Variants in PARD3 observed in about 807,000 individuals in gnomAD.
The protein encoded by PARD3 is partitioning defective 3 homolog.
Under a neutral mutation model 155.4 loss-of-function variants are expected in PARD3, and 75 were observed. The ratio of observed to expected loss-of-function variants is 0.48; its 90% CI spans 0.40 to 0.58. The LOEUF (loss-of-function observed/expected upper bound fraction) is 0.58, where lower values mean the gene tolerates loss of function less well. Ranked by LOEUF, PARD3 falls within the 20% of genes least tolerant of loss-of-function variation. PARD3 has a pLI of 0.00. For missense variants in PARD3, 1,642 were observed against 1,721.7 expected (o/e 0.95, Z 0.82); for synonymous variants, 576 against 610.5 (o/e 0.94, Z 0.83).
chr10:34,316,581 A>G (rs1958017979), intron 20 of PARD3, among the ~76,000 whole-genome samples: 1 of 152,176 alleles, frequency 6.6e-6, no homozygotes, highest in South Asian at 2.1e-4. Context: ...TGCTACCACT[A>G]ACTTGAGCTC....
At chr10:34,369,026 T>TC (rs1265839072) in intron 12 of PARD3, among the ~76,000 whole-genome samples, 7 of 147,388 alleles carry the variant, frequency 4.7e-5, no homozygotes, top group African/African-American at 1.1e-4. Context: ...GCTTTTTTTT[T>TC]TCCCCCCTCA....
intron 24 of PARD3, among the ~76,000 whole-genome samples, chr10:34,112,213 A>G (rs1312692272): frequency 6.6e-6 from 1 of 152,168 alleles, no homozygotes; most frequent in Non-Finnish European, 1.5e-5. Context: ...GAGAGTCCGG[A>G]AGTCTGTAAA....
At chr10:34,258,149 T>C (rs1339958230) in intron 22 of PARD3, among the ~76,000 whole-genome samples, 1 of 152,188 alleles carries the variant, frequency 6.6e-6, no homozygotes, top group Non-Finnish European at 1.5e-5. Context: ...ACTGAGGGCT[T>C]AGACTGCATC....
intron 20 of PARD3, among the ~76,000 whole-genome samples, chr10:34,305,423 T>C (rs528289719): frequency 6.6e-6 from 1 of 152,352 alleles, no homozygotes; most frequent in East Asian, 1.9e-4. Context: ...ACCTGCTCAT[T>C]TGCTCTGCAG....
chr10:34,369,830 T>A (rs1564635939), intron 12 of PARD3, among the ~76,000 whole-genome samples: 1 of 152,128 alleles, frequency 6.6e-6, no homozygotes, highest in South Asian at 2.1e-4. Flanking sequence ...TTTCTAGGCA[T>A]TGACAAAATA....
At chr10:34,353,241 G>A (rs1323822511) in intron 14 of PARD3, among the ~76,000 whole-genome samples, 1 of 152,244 alleles carries the variant, frequency 6.6e-6, no homozygotes, top group African/African-American at 2.4e-5. Flanking sequence ...TTGAGAACGG[G>A]CCATGATGAC....
intron 24 of PARD3, among the ~76,000 whole-genome samples, chr10:34,112,840 A>G (rs551639684): frequency 1.2e-4 from 18 of 152,330 alleles, no homozygotes; most frequent in Middle Eastern, 6.8e-3. Flanking sequence ...CATAATGTCC[A>G]GCATCACCTC....
At chr10:34,418,087 G>A (rs1005892540) in intron 5 of PARD3, among the ~76,000 whole-genome samples, 3 of 152,108 alleles carry the variant, frequency 2.0e-5, no homozygotes, top group Admixed American at 2.0e-4. Context: ...AGTGAACTTC[G>A]AAATTTAAAA....
chr10:34,707,772 T>C (rs1239620204), intron 1 of PARD3, among the ~76,000 whole-genome samples: 1 of 152,196 alleles, frequency 6.6e-6, no homozygotes, highest in Non-Finnish European at 1.5e-5. Flanking sequence ...CCTTTCTCAG[T>C]GTTATTTCAA....
At chr10:34,547,350 A>G (rs542712536) in intron 2 of PARD3, among the ~76,000 whole-genome samples, 1 of 152,372 alleles carries the variant, frequency 6.6e-6, no homozygotes, top group East Asian at 1.9e-4. Flanking sequence ...ATACATTTTA[A>G]ACATGAACAA....
chr10:34,359,264 C>A lies in PARD3; in HGVS notation c.1950G>T (p.Leu650=), dbSNP rs1292578912. Reference sequence around the variant, plus strand: ...TGGCATCTTGGTTTGTCTTGCCCAACAGGGATTCTCCATTTACTGCTATCA... The same window carrying A: ...TGGCATCTTGGTTTGTCTTGCCCAAAAGGGATTCTCCATTTACTGCTATCA... ...DQLIAVNGES[L]LGKTNQDAME... is the part of the protein sequence containing the mutation. The change falls in exon 14 of 25, where the codon CTG becomes CTT. Residue 650 remains leucine (L), a synonymous_variant. Coordinates refer to ENST00000374788, the MANE Select transcript of PARD3 (RefSeq NM_001184785.2). 1 of 1,613,922 alleles carries A rather than the reference C, an allele frequency of 6.2e-7. No homozygotes were observed. Among genetic ancestry groups the A allele is most frequent in the East Asian group, 2.2e-5 (1 of 44,850 alleles).
chr10:34,345,675 T>A, intron 15 of PARD3: 2 of 985,392 alleles, frequency 2.0e-6, no homozygotes, highest in Non-Finnish European at 2.4e-6. Context: ...CAGAAAAACA[T>A]AAATCCGAAT....
At chr10:34,769,224 A>C (rs1285012699) in intron 1 of PARD3, among the ~76,000 whole-genome samples, 1 of 152,072 alleles carries the variant, frequency 6.6e-6, no homozygotes, top group African/African-American at 2.4e-5. Flanking sequence ...ACCTCCACGG[A>C]TACTGAGCAC....
chr10:34,605,040 T>C (rs1404579801), intron 2 of PARD3, among the ~76,000 whole-genome samples: 1 of 152,124 alleles, frequency 6.6e-6, no homozygotes, highest in Non-Finnish European at 1.5e-5. Context: ...GTTTCTCTTC[T>C]GGTGATTATT....
At chr10:34,688,002 G>C (rs760112816) in intron 2 of PARD3, among the ~76,000 whole-genome samples, 1 of 151,656 alleles carries the variant, frequency 6.6e-6, no homozygotes, top group Non-Finnish European at 1.5e-5. Flanking sequence ...CTACAGGCCA[G>C]CACCACCACA....
At chr10:34,806,485 G>C (rs1265472960) in intron 1 of PARD3, among the ~76,000 whole-genome samples, 1 of 151,614 alleles carries the variant, frequency 6.6e-6, no homozygotes, top group Non-Finnish European at 1.5e-5. Flanking sequence ...CACCACACCC[G>C]GCCTATGCCT....
chr10:34,586,107 T>C (rs1220713924), intron 2 of PARD3, among the ~76,000 whole-genome samples: 2 of 152,102 alleles, frequency 1.3e-5, no homozygotes, highest in South Asian at 2.1e-4. Flanking sequence ...AAGTAACAAC[T>C]GCTACTTTAA....
At chr10:34,259,223 T>C (rs1160682441) in intron 22 of PARD3, among the ~76,000 whole-genome samples, 4 of 152,122 alleles carry the variant, frequency 2.6e-5, no homozygotes, top group African/African-American at 4.8e-5. Flanking sequence ...AAATACACGA[T>C]GGGTACTGCA....
At chr10:34,145,223 T>A (rs3955307) in intron 22 of PARD3, among the ~76,000 whole-genome samples, 842 of 61,194 alleles carry the variant, frequency 0.014, no homozygotes, top group African/African-American at 0.046. Flanking sequence ...ATATATATAT[T>A]TTTTTTTTTT....
Sources: allele counts gnomAD v4.1 joint callset (sites outside exome capture counted in the v4.1 genomes callset), GRCh38; gene constraint gnomAD v4.1.1; transcripts MANE v1.5; gene names NCBI Gene and HGNC (gene_info 2026-07-23, HGNC 2026-07-21).